HK1: variants seen among roughly 807,000 people sequenced by gnomAD.
HK1 encodes the protein hexokinase 1.
HK1 carries 28 observed loss-of-function variants against 91.6 expected under a neutral mutation model. That is an observed-to-expected ratio of 0.31 (90% CI 0.23 to 0.42). HK1 has a LOEUF of 0.42. HK1 is among the 10% of genes least tolerant of loss of function. HK1 has a pLI of 1.00. For missense variants in HK1, 770 were observed against 1,219.8 expected, an observed-to-expected ratio of 0.63 and a Z score of 5.49; for synonymous variants, 430 against 468.1, an observed-to-expected ratio of 0.92 and a Z score of 1.05.
intron 4 of HK1, 92 bp downstream of exon 4, chr10:69,364,994 G>T: frequency 1.4e-6 from 2 of 1,445,696 alleles, no homozygotes; most frequent in East Asian, 2.3e-5. Flanking sequence ...CCCTTTGTTG[G>T]CAGAATGGTT....
intron 8 of HK1, among the ~76,000 whole-genome samples, chr10:69,377,365 C>G (rs890170547): frequency 5.3e-5 from 8 of 151,496 alleles, no homozygotes; most frequent in African/African-American, 1.9e-4. Flanking sequence ...CCCCCATCAG[C>G]CCATCACCCC....
At chr10:69,291,147 G>A (rs78305991) in intron 3 of HK1, among the ~76,000 whole-genome samples, 94 of 152,348 alleles carry the variant, frequency 6.2e-4, no homozygotes, top group East Asian at 5.4e-3. Context: ...AATGCCACCA[G>A]GAATTTAAAG....
chr10:69,295,781 C>A (rs1845535521), intron 4 of HK1: 1 of 808,708 alleles, frequency 1.2e-6, no homozygotes, highest in Non-Finnish European at 2.1e-6. Context: ...GCCAGCCAAG[C>A]AGCTGTGCAG....
rs2132815738 is a variant in HK1 at position 69,369,343 on chromosome 10, C to T, written c.691+7C>T. 1 of 1,613,398 alleles carries T rather than the reference C, an allele frequency of 6.2e-7. No individual in the cohort carries two copies. Among genetic ancestry groups the T allele is most frequent in the Non-Finnish European group, 8.5e-7 (1 of 1,179,288 alleles). On this transcript the variant is annotated splice_region_variant and intron_variant, in intron 6 of 17. Transcript: ENST00000359426. The surrounding 1 kb of genome is among the most constrained non-coding windows in gnomAD (Gnocchi z 4.4). ...GAAGTCGGCCTGATCATCGGTAATGCATTCCCCTTTGCCCATCCATTTGTT... is the reference window on the plus strand; with the variant it reads ...GAAGTCGGCCTGATCATCGGTAATGTATTCCCCTTTGCCCATCCATTTGTT...
intron 1 of HK1, among the ~76,000 whole-genome samples, chr10:69,336,450 C>CA (rs1289438503): frequency 1.3e-5 from 2 of 151,824 alleles, no homozygotes; most frequent in African/African-American, 4.8e-5. Context: ...CTCGGCCTCC[C>CA]AAAGTGCTGG....
At chr10:69,346,561 A>G (rs1407202817) in intron 2 of HK1, among the ~76,000 whole-genome samples, 1 of 151,768 alleles carries the variant, frequency 6.6e-6, no homozygotes, top group Non-Finnish European at 1.5e-5. Context: ...TTGTAGAGAT[A>G]GGGTTTTGCC....
chr10:69,325,618 C>T (rs373986334), intron 1 of HK1, among the ~76,000 whole-genome samples: 14 of 151,178 alleles, frequency 9.3e-5, no homozygotes, highest in Non-Finnish European at 1.6e-4. Context: ...CTCCATCTCG[C>T]GGGTTCAAGT....
At chr10:69,317,746 C>T (rs571209210), upstream of HK1, among the ~76,000 whole-genome samples, 91 of 152,332 alleles carry the variant, frequency 6.0e-4, no homozygotes, top group African/African-American at 2.1e-3. Flanking sequence ...AAGACTGAGG[C>T]CTCACTGAGC....
Position 69,295,766 on chromosome 10 carries a change from T to C in HK1, c.-67+86T>C, listed in dbSNP as rs1483505713. On this transcript the variant is annotated intron_variant, in intron 4 of 21. Transcript: ENST00000360289. ...TGGCAATCCCCTTTGGGATAATGAT[T>C]TTCAGCCAGCCAAGCAGCTGTGCAG... 6.6e-6 allele frequency: 6 copies of C among 906,886 alleles called. No homozygotes were observed. In the African/African-American group the frequency reaches 8.2e-5, roughly 12 times the overall value. 56.2% of individuals were successfully genotyped at this position (906,886 alleles called of 1,614,324 possible).
intron 4 of HK1, among the ~76,000 whole-genome samples, chr10:69,299,209 G>T (rs1180736078): frequency 6.6e-6 from 1 of 151,810 alleles, no homozygotes; most frequent in Non-Finnish European, 1.5e-5. Flanking sequence ...GTCTCGCTCT[G>T]TCATGCAGGC....
At position 69,325,209 on chromosome 10, in the gene HK1, TC is replaced by T. The variant is rs568472622; in HGVS notation, c.63+6202del. Among the ~76,000 whole-genome samples, 23 of 151,074 alleles carry T rather than the reference TC, an allele frequency of 1.5e-4. 1 individual carries two copies. The South Asian group carries it at 4.6e-3, about 30-fold the overall frequency. On this transcript the variant is annotated intron_variant, in intron 1 of 17. Transcript: ENST00000359426. ...TGGGACTACAGGCGCCTGCCACCAC[TC>T]CCGTCTAATTTTTTGTATTTTTAGG...
In HK1 at chr10:69,386,364, C is replaced by G. The variant is rs374806058; in HGVS notation, c.1881C>G (p.Asp627Glu). ...GGACAAAGGGTTTTAAGGCAACAGA[C>G]TGCGTGGGCCACGATGTAGTCACCT... ...ITWTKGFKAT[D>E]CVGHDVVTLL... is the part of the protein sequence containing the mutation. Residue 627 changes from aspartate (D) to glutamate (E), a missense_variant, in exon 13 of 18, where the codon GAC becomes GAG. Coordinates refer to ENST00000359426, the MANE Select transcript of HK1 (RefSeq NM_000188.3). 4.8e-5 allele frequency: 77 copies of G among 1,613,960 alleles called. No homozygotes were observed. The highest frequency in any genetic ancestry group is 6.2e-5 in the Non-Finnish European group (73 of 1,179,960).
chr10:69,347,616 A>G (rs1848632733), intron 2 of HK1, among the ~76,000 whole-genome samples: 1 of 151,732 alleles, frequency 6.6e-6, no homozygotes, highest in Non-Finnish European at 1.5e-5. Context: ...TTGTATTTTT[A>G]GTAGAGACGA....
At chr10:69,363,297 C>G (rs1849531640) in intron 3 of HK1, among the ~76,000 whole-genome samples, 1 of 152,170 alleles carries the variant, frequency 6.6e-6, no homozygotes, top group South Asian at 2.1e-4. Context: ...GGTTGGATTA[C>G]TAGAGGCAGA....
At chr10:69,352,739 G>T (rs1192721016) in intron 2 of HK1, among the ~76,000 whole-genome samples, 1 of 152,162 alleles carries the variant, frequency 6.6e-6, no homozygotes, top group Non-Finnish European at 1.5e-5. Context: ...ATGGTGAATG[G>T]TTGTTAATGG....
intron 1 of HK1, among the ~76,000 whole-genome samples, chr10:69,279,819 T>C (rs764494804): frequency 6.6e-6 from 1 of 152,226 alleles, no homozygotes; most frequent in Non-Finnish European, 1.5e-5. Context: ...TTCTCCAGAA[T>C]GTGGCCCAAT....
chr10:69,273,045 T>C (rs2132400553), intron 1 of HK1, among the ~76,000 whole-genome samples: 1 of 150,332 alleles, frequency 6.7e-6, no homozygotes, highest in African/African-American at 2.4e-5. Flanking sequence ...TTTTTTTTTT[T>C]TTTGAGATGG....
chr10:69,291,407 A>G (rs1018617384), intron 3 of HK1, among the ~76,000 whole-genome samples: 5 of 152,184 alleles, frequency 3.3e-5, no homozygotes, highest in Non-Finnish European at 5.9e-5. Context: ...TATTGCCTGG[A>G]GCCTCTGTCA....
intron 4 of HK1, among the ~76,000 whole-genome samples, chr10:69,366,687 A>G (rs959688005): frequency 2.6e-5 from 4 of 152,040 alleles, no homozygotes; most frequent in Non-Finnish European, 5.9e-5. Flanking sequence ...GTATCTGAGA[A>G]CGCCCCTCCA....
Sources: gnomAD v4.1 joint callset for allele counts (sites outside exome capture counted in the v4.1 genomes callset) on GRCh38, gnomAD v4.1.1 for gene constraint, Gnocchi (gnomAD v3.1) non-coding constraint, MANE v1.5 for transcripts, NCBI Gene and HGNC (gene_info 2026-07-23, HGNC 2026-07-21) for gene names.